The following SNX24 variants were observed in gnomAD, a reference collection of about 807,000 sequenced individuals.
SNX24 encodes the protein sorting nexin 24.
SNX24 carries 22 observed loss-of-function variants against 28.7 expected under a neutral mutation model. The observed-to-expected ratio is 0.77, with a 90% CI of 0.55 to 1.10. The LOEUF is 1.10. SNX24 is among the 50% of genes least tolerant of loss of function. SNX24 has a pLI of 0.00. For missense variants in SNX24, 221 were observed against 201.1 expected (o/e 1.10, Z -0.60); for synonymous variants, 69 against 71.5 (o/e 0.96, Z 0.18).
intron 3 of SNX24, among the ~76,000 whole-genome samples, chr5:122,972,704 C>T (rs543192057): frequency 2.0e-5 from 3 of 152,304 alleles, no homozygotes; most frequent in South Asian, 2.1e-4. Flanking sequence ...AGAAGCATTG[C>T]GTGCAGGATA....
At chr5:123,016,851 G>A (rs2150185950) in intron 5 of SNX24, among the ~76,000 whole-genome samples, 1 of 152,276 alleles carries the variant, frequency 6.6e-6, no homozygotes, top group East Asian at 1.9e-4. Context: ...GGAGCTCCAC[G>A]TGGCTGGAGA....
At chr5:122,922,249 G>GT (rs1003172263) in intron 1 of SNX24, among the ~76,000 whole-genome samples, 14 of 151,934 alleles carry the variant, frequency 9.2e-5, no homozygotes, top group Non-Finnish European at 1.9e-4. Flanking sequence ...TTTTTGTGGG[G>GT]TTTTTGTTTG....
chr5:123,006,920 G>T (rs1275368239), intron 6 of SNX24, among the ~76,000 whole-genome samples: 1 of 152,068 alleles, frequency 6.6e-6, no homozygotes, highest in Non-Finnish European at 1.5e-5. Context: ...ACATAATAAT[G>T]ATATTTATTT....
intron 3 of SNX24, among the ~76,000 whole-genome samples, chr5:122,969,073 T>A (rs977539910): frequency 2.0e-5 from 3 of 152,172 alleles, no homozygotes; most frequent in African/African-American, 7.2e-5. Context: ...CCTCCTACTC[T>A]AGGTTTTAAG....
At chr5:123,009,343 AATT>A (rs773310530), downstream of SNX24, 3 of 389,036 alleles carry the variant, frequency 7.7e-6, no homozygotes, top group Non-Finnish European at 1.1e-5. Context: ...TGATAAGATA[AATT>A]ATTATAATAA....
chr5:123,008,198 G>C lies in SNX24; in HGVS notation c.*449G>C, dbSNP rs536824411. ...TCACCGTGAGATTTTCTCAGCCAGTGATAGTACATTCTGAAATGCTGGCAC... is the reference window on the plus strand; with the variant it reads ...TCACCGTGAGATTTTCTCAGCCAGTCATAGTACATTCTGAAATGCTGGCAC... On this transcript the variant is annotated 3_prime_UTR_variant, in exon 7 of 7. Transcript: ENST00000261369. The C allele has an allele frequency of 1.0e-6, 1 of 986,734 alleles. No individual in the cohort carries two copies. The highest frequency in any genetic ancestry group is 1.2e-6 in the Non-Finnish European group (1 of 830,958). The allele number at this position is 986,734 out of a possible 1,614,324, so 61.1% of individuals were successfully genotyped here. A position where few individuals can be genotyped will look rare whatever the true frequency, so the allele number is the denominator to read the frequency against.
chr5:122,968,710 G>A (rs1760820880), intron 3 of SNX24, among the ~76,000 whole-genome samples: 2 of 152,084 alleles, frequency 1.3e-5, no homozygotes, highest in Non-Finnish European at 2.9e-5. Context: ...TCACTGTGTT[G>A]CAACCTAATA....
At chr5:122,850,383 G>T (rs1271565608) in intron 1 of SNX24, among the ~76,000 whole-genome samples, 1 of 152,168 alleles carries the variant, frequency 6.6e-6, no homozygotes, top group Non-Finnish European at 1.5e-5. Context: ...ACTTCCCAGA[G>T]GCCTTACCAT....
intron 1 of SNX24, among the ~76,000 whole-genome samples, chr5:122,870,286 G>A (rs1581689051): frequency 1.3e-5 from 2 of 152,254 alleles, no homozygotes; most frequent in South Asian, 2.1e-4. Flanking sequence ...TTTGCATCCC[G>A]AGGAGCTGTA....
At chr5:122,943,335 G>A (rs1759542559) in intron 2 of SNX24, among the ~76,000 whole-genome samples, 1 of 152,026 alleles carries the variant, frequency 6.6e-6, no homozygotes, top group Admixed American at 6.6e-5. Context: ...TTCTCTTTTA[G>A]TAGAACGCCT....
intron 1 of SNX24, among the ~76,000 whole-genome samples, chr5:122,920,271 A>G (rs897106112): frequency 6.6e-6 from 1 of 152,200 alleles, no homozygotes; most frequent in Non-Finnish European, 1.5e-5. Context: ...CTCTGATTTC[A>G]CCATCAGAAA....
At chr5:123,006,270 T>G (rs1251111345) in intron 6 of SNX24, among the ~76,000 whole-genome samples, 1 of 152,170 alleles carries the variant, frequency 6.6e-6, no homozygotes, top group African/African-American at 2.4e-5. Context: ...TTACTCCTCT[T>G]CTGGGTCTTC....
intron 1 of SNX24, among the ~76,000 whole-genome samples, chr5:122,925,502 G>T (rs985649060): frequency 6.6e-6 from 1 of 151,864 alleles, no homozygotes; most frequent in Non-Finnish European, 1.5e-5. Context: ...GGGCTCAAGT[G>T]ATCCTCCTGC....
Position 123,001,416 on chromosome 5 carries a change from A to G in SNX24, c.356A>G (p.Glu119Gly). ...TTCAAAACTTTTAGATCTTTTGATGAAACAGAGTCTGAAGAGTCAAGGTAA... is the reference window on the plus strand; with the variant it reads ...TTCAAAACTTTTAGATCTTTTGATGGAACAGAGTCTGAAGAGTCAAGGTAA... ...PKAESCGSFD[E>G]TESEESSKLS... The change falls in exon 5 of 7, where the codon GAA becomes GGA. Residue 119 changes from glutamate to glycine, a missense_variant. By Grantham distance (98) the Glu-to-Gly change is moderately conservative. Coordinates refer to ENST00000261369, the MANE Select transcript of SNX24 (RefSeq NM_014035.4). 5.6e-6 allele frequency: 9 copies of G among 1,605,398 alleles called. No homozygotes were observed. The highest frequency in any genetic ancestry group is 7.7e-6 in the Non-Finnish European group (9 of 1,173,092).
intron 1 of SNX24, among the ~76,000 whole-genome samples, chr5:122,845,904 C>T (rs1170356460): frequency 6.6e-6 from 1 of 152,022 alleles, no homozygotes; most frequent in Non-Finnish European, 1.5e-5. Flanking sequence ...CGCCCCTAGC[C>T]CCTCGGGGTC....
intron 3 of SNX24, among the ~76,000 whole-genome samples, chr5:122,981,536 T>C (rs778240835): frequency 3.2e-4 from 48 of 152,222 alleles, no homozygotes; most frequent in Middle Eastern, 6.3e-3. Flanking sequence ...CAGTACAATA[T>C]AGTTTTAGAG....
At chr5:122,897,720 C>T (rs1012311937) in intron 1 of SNX24, among the ~76,000 whole-genome samples, 1 of 152,234 alleles carries the variant, frequency 6.6e-6, no homozygotes, top group African/African-American at 2.4e-5. Flanking sequence ...GTCCTCTATA[C>T]ATTTATGAGG....
intron 3 of SNX24, chr5:122,998,429 T>C (rs1167059407): frequency 6.6e-6 from 1 of 152,264 alleles, no homozygotes. Flanking sequence ...AGATTTATCA[T>C]CATGTCCCAG....
At chr5:122,867,899 C>T (rs887909440) in intron 1 of SNX24, among the ~76,000 whole-genome samples, 1 of 152,222 alleles carries the variant, frequency 6.6e-6, no homozygotes, top group Admixed American at 6.5e-5. Context: ...TTGGCCACAG[C>T]CCCTGAATTG....
Sources: gnomAD v4.1 joint callset for allele counts (sites outside exome capture counted in the v4.1 genomes callset) on GRCh38, gnomAD v4.1.1 for gene constraint, MANE v1.5 for transcripts, NCBI Gene and HGNC (gene_info 2026-07-23, HGNC 2026-07-21) for gene names.